Variants in STK32B observed in about 807,000 individuals in gnomAD.
The protein encoded by STK32B is serine/threonine-protein kinase 32B.
STK32B carries 43 observed loss-of-function variants against 52.6 expected under a neutral mutation model. The observed-to-expected ratio is 0.82, with a 90% CI of 0.64 to 1.05. The LOEUF (loss-of-function observed/expected upper bound fraction) is 1.05. STK32B is among the 50% of genes least tolerant of loss of function. STK32B has a pLI of 0.00. For synonymous variants in STK32B, 238 were observed against 204.3 expected, an observed-to-expected ratio of 1.17 and a Z score of -1.41; for missense variants, 621 against 534.6, an observed-to-expected ratio of 1.16 and a Z score of -1.59.
chr4:5,407,182 T>A (rs2109058015), intron 5 of STK32B, among the ~76,000 whole-genome samples: 1 of 152,220 alleles, frequency 6.6e-6, no homozygotes, highest in East Asian at 1.9e-4. Flanking sequence ...GCCTCCAACC[T>A]CTTTGCCAAC....
At position 5,179,984 on chromosome 4, in the gene STK32B, A is replaced by T. The variant is rs77563262; in HGVS notation, c.260+11534A>T. On this transcript the variant is annotated intron_variant, in intron 3 of 11. Coordinates refer to ENST00000282908, the MANE Select transcript of STK32B (RefSeq NM_018401.3). ...CTGGTCACACACCCATTCCTGACACAGTGGAGGACAGTGCAGGAGGTTTGT... is the reference window on the plus strand; with the variant it reads ...CTGGTCACACACCCATTCCTGACACTGTGGAGGACAGTGCAGGAGGTTTGT... 2.1e-3 allele frequency among the ~76,000 whole-genome samples: 324 copies of T among 152,298 alleles called. 6 individuals are homozygous for T. The East Asian group carries it at 0.051, about 24-fold the overall frequency.
In STK32B at chr4:5,235,597, A is replaced by G. The variant is rs1312534930; in HGVS notation, c.260+67147A>G. 2.6e-5 allele frequency among the ~76,000 whole-genome samples: 4 copies of G among 152,326 alleles called. No homozygotes were observed. The East Asian group carries it at 5.8e-4, about 22-fold the overall frequency. The stretch of plus-strand genomic sequence containing the variant: ...AGCCAAATATATCAGAAATGTGCCT[A>G]TCTTTAAAAAATTGGGATCCTACTT... On this transcript the variant is annotated intron_variant, in intron 3 of 11. Transcript: ENST00000282908.
chr4:5,169,132 A>AG (rs2108737567), intron 3 of STK32B, among the ~76,000 whole-genome samples: 1 of 152,322 alleles, frequency 6.6e-6, no homozygotes, highest in South Asian at 2.1e-4. Flanking sequence ...GAGCCCTTGA[A>AG]GACCCACAGG....
chr4:5,212,004 C>A (rs562083295), intron 3 of STK32B, among the ~76,000 whole-genome samples: 1 of 152,142 alleles, frequency 6.6e-6, no homozygotes, highest in Non-Finnish European at 1.5e-5. Context: ...GAGGGACTAA[C>A]GGTAATTCAT....
intron 4 of STK32B, among the ~76,000 whole-genome samples, chr4:5,356,794 C>T (rs561865729): frequency 6.6e-5 from 10 of 151,992 alleles, no homozygotes; most frequent in African/African-American, 1.4e-4. Context: ...GTCAGGAGTT[C>T]GAGACCAGTC....
At chr4:5,230,686 G>C (rs1724202736) in intron 3 of STK32B, among the ~76,000 whole-genome samples, 1 of 152,214 alleles carries the variant, frequency 6.6e-6, no homozygotes, top group South Asian at 2.1e-4. Flanking sequence ...CACACTTTGG[G>C]CTGGAGATGT....
chr4:5,125,367 T>C (rs1715300369), intron 1 of STK32B, among the ~76,000 whole-genome samples: 1 of 152,230 alleles, frequency 6.6e-6, no homozygotes, highest in South Asian at 2.1e-4. Flanking sequence ...CTTTCCTATG[T>C]GTGGCCTCGG....
chr4:5,065,700 T>A (rs1742394448), intron 1 of STK32B, among the ~76,000 whole-genome samples: 1 of 149,900 alleles, frequency 6.7e-6, no homozygotes, highest in African/African-American at 2.5e-5. Flanking sequence ...ATAACTAACA[T>A]ATATTTTTAT....
intron 3 of STK32B, among the ~76,000 whole-genome samples, chr4:5,321,624 A>T (rs1457930052): frequency 1.3e-5 from 2 of 152,148 alleles, no homozygotes; most frequent in African/African-American, 2.4e-5. Context: ...TTTGTCAGCC[A>T]CTACAAATTC....
At chr4:5,070,894 C>A (rs1711726525) in intron 1 of STK32B, among the ~76,000 whole-genome samples, 1 of 152,118 alleles carries the variant, frequency 6.6e-6, no homozygotes, top group South Asian at 2.1e-4. Flanking sequence ...GAAGGCCGTC[C>A]CACAAGAAGG....
chr4:5,408,340 G>T (rs1737810353), intron 5 of STK32B, among the ~76,000 whole-genome samples: 1 of 152,008 alleles, frequency 6.6e-6, no homozygotes, highest in Non-Finnish European at 1.5e-5. Context: ...GTGAGCTCTG[G>T]TTGTTTAAAT....
chr4:5,168,722 C>T (rs974436270), intron 3 of STK32B, among the ~76,000 whole-genome samples: 12 of 152,136 alleles, frequency 7.9e-5, no homozygotes, highest in African/African-American at 2.2e-4. Context: ...ATACGTGGAA[C>T]GTTATAAGAG....
At chr4:5,316,252 A>AT (rs1730704065) in intron 3 of STK32B, among the ~76,000 whole-genome samples, 2 of 64,208 alleles carry the variant, frequency 3.1e-5, no homozygotes, top group East Asian at 7.7e-4. Context: ...TATTGTATAT[A>AT]TAATATATTA....
chr4:5,230,103 C>A, intron 3 of STK32B, among the ~76,000 whole-genome samples: 1 of 150,344 alleles, frequency 6.7e-6, no homozygotes, highest in Non-Finnish European at 1.5e-5. Context: ...TCAAGTGATT[C>A]TCCTGCCTCA....
At position 5,157,502 on chromosome 4, in the gene STK32B, G is replaced by C. The variant is rs77170288; in HGVS notation, c.109-10797G>C. ...TGAGGGCAACAGAGACAGCCTCTCC[G>C]AGAGGAGAAATTTGAGCTAAGACCC... On this transcript the variant is annotated intron_variant, in intron 2 of 11. Coordinates refer to ENST00000282908, the MANE Select transcript of STK32B (RefSeq NM_018401.3). Among the ~76,000 whole-genome samples, 899 of 152,288 alleles carry C rather than the reference G, an allele frequency of 5.9e-3. 9 individuals are homozygous for C. The highest frequency in any genetic ancestry group is 0.02 in the African/African-American group (845 of 41,564).
At chr4:5,455,892 C>T (rs969642917) in intron 7 of STK32B, among the ~76,000 whole-genome samples, 19 of 152,200 alleles carry the variant, frequency 1.2e-4, no homozygotes, top group Admixed American at 3.3e-4. Context: ...ACGAATTCAT[C>T]GCTCAGATTT....
intron 3 of STK32B, among the ~76,000 whole-genome samples, chr4:5,297,442 A>G (rs62299999): frequency 3.3e-5 from 5 of 150,076 alleles, no homozygotes; most frequent in African/African-American, 1.2e-4. Flanking sequence ...GTCTTTTTAC[A>G]TAGTCACATA....
chr4:5,405,836 T>C (rs1245481975), intron 5 of STK32B, among the ~76,000 whole-genome samples: 1 of 152,064 alleles, frequency 6.6e-6, no homozygotes, highest in Non-Finnish European at 1.5e-5. Context: ...AGACATGAGA[T>C]TTGGACAGAA....
chr4:5,233,505 G>T (rs777361397), intron 3 of STK32B, among the ~76,000 whole-genome samples: 8 of 152,106 alleles, frequency 5.3e-5, no homozygotes, highest in Non-Finnish European at 1.0e-4. Flanking sequence ...CCAAGTTCAA[G>T]TAGAGGGGAC....
Sources: allele counts gnomAD v4.1 joint callset (sites outside exome capture counted in the v4.1 genomes callset), GRCh38; gene constraint gnomAD v4.1.1; transcripts MANE v1.5; gene names NCBI Gene and HGNC (gene_info 2026-07-23, HGNC 2026-07-21).